NRG1: variants seen among roughly 807,000 people sequenced by gnomAD.
NRG1 encodes the protein neuregulin 1.
Under a neutral mutation model 63.8 loss-of-function variants are expected in NRG1, and 18 were observed. The ratio of observed to expected loss-of-function variants is 0.28; its 90% confidence interval spans 0.19 to 0.42. NRG1 has a LOEUF of 0.42. NRG1 is among the 10% of genes least tolerant of loss of function. The pLI, the probability that NRG1 is intolerant of heterozygous loss-of-function variation, is 1.00. For synonymous variants in NRG1, 302 were observed against 301.3 expected, an observed-to-expected ratio of 1.00 and a Z score of -0.02; for missense variants, 762 against 814.7, an observed-to-expected ratio of 0.94 and a Z score of 0.79.
chr8:32,412,934 T>G (rs779304813), intron 1 of NRG1, among the ~76,000 whole-genome samples: 8 of 152,200 alleles, frequency 5.3e-5, no homozygotes, highest in Middle Eastern at 3.2e-3. Context: ...TTGTTTTGAT[T>G]ATCAACCTAA....
At chr8:31,926,564 A>C (rs1834373526) in intron 1 of NRG1, among the ~76,000 whole-genome samples, 2 of 152,220 alleles carry the variant, frequency 1.3e-5, no homozygotes, top group South Asian at 4.1e-4. Flanking sequence ...ATGTGATCTG[A>C]TTTGCATTTT....
At chr8:32,263,710 G>A (rs1316487926) in intron 1 of NRG1, among the ~76,000 whole-genome samples, 1 of 152,086 alleles carries the variant, frequency 6.6e-6, no homozygotes, top group African/African-American at 2.4e-5. Context: ...TGAAGCTTAG[G>A]AAAAATTTCA....
intron 1 of NRG1, among the ~76,000 whole-genome samples, chr8:32,463,372 A>C (rs1822578853): frequency 6.6e-6 from 1 of 152,162 alleles, no homozygotes; most frequent in Admixed American, 6.5e-5. Context: ...GGAAACTTTT[A>C]TACTGTTTTC....
At chr8:32,426,244 A>G (rs907637680) in intron 1 of NRG1, among the ~76,000 whole-genome samples, 5 of 152,166 alleles carry the variant, frequency 3.3e-5, no homozygotes, top group Admixed American at 2.0e-4. Flanking sequence ...GCAGGGAGAG[A>G]AGATTCATCA....
chr8:32,225,961 T>A (rs976473086), intron 1 of NRG1, among the ~76,000 whole-genome samples: 4 of 152,192 alleles, frequency 2.6e-5, no homozygotes, highest in Non-Finnish European at 5.9e-5. Context: ...CTTCCATGGT[T>A]TGATTCTCTC....
In NRG1 at chr8:32,266,684, T is replaced by C. The variant is rs557174966; in HGVS notation, c.38-329144T>C. 1.1e-3 allele frequency among the ~76,000 whole-genome samples: 175 copies of C among 152,178 alleles called. 1 individual carries two copies. The highest frequency in any genetic ancestry group is 4.1e-3 in the African/African-American group (170 of 41,520). On this transcript the variant is annotated intron_variant, in intron 1 of 10. Transcript: ENST00000519301. ...TACAGTGTATCTACAGTTCTGAAGATTATCAAAACACAATATTCTAGCCCC... is the reference window on the plus strand; with the variant it reads ...TACAGTGTATCTACAGTTCTGAAGACTATCAAAACACAATATTCTAGCCCC...
At chr8:32,016,054 T>C (rs1815485031) in intron 1 of NRG1, among the ~76,000 whole-genome samples, 1 of 152,172 alleles carries the variant, frequency 6.6e-6, no homozygotes, top group Admixed American at 6.5e-5. Context: ...ACTTAGCCTC[T>C]ATATTTTTTG....
intron 1 of NRG1, among the ~76,000 whole-genome samples, chr8:32,305,786 A>G (rs543024273): frequency 1.3e-5 from 2 of 152,280 alleles, no homozygotes; most frequent in South Asian, 2.1e-4. Context: ...CATTTTTTGT[A>G]GTTAGTAAAT....
intron 1 of NRG1, among the ~76,000 whole-genome samples, chr8:32,049,898 A>G (rs1821693886): frequency 6.6e-6 from 1 of 152,150 alleles, no homozygotes; most frequent in African/African-American, 2.4e-5. Context: ...ATGAGTATTT[A>G]CATCAGGCAG....
chr8:31,682,853 A>C (rs1174656764), intron 1 of NRG1, among the ~76,000 whole-genome samples: 1 of 152,110 alleles, frequency 6.6e-6, no homozygotes, highest in Admixed American at 6.6e-5. Flanking sequence ...CTGTGATAAA[A>C]CTCAAGAAAA....
At chr8:32,144,047 G>C (rs1313789084) in intron 1 of NRG1, among the ~76,000 whole-genome samples, 1 of 152,218 alleles carries the variant, frequency 6.6e-6, no homozygotes, top group Non-Finnish European at 1.5e-5. Context: ...CAGTTAGAAT[G>C]ATGAGTCCAG....
At chr8:32,357,666 G>A (rs2129480698) in intron 1 of NRG1, among the ~76,000 whole-genome samples, 1 of 152,230 alleles carries the variant, frequency 6.6e-6, no homozygotes, top group East Asian at 1.9e-4. Context: ...TAGAGCCTAT[G>A]TAAAATGTGT....
intron 1 of NRG1, among the ~76,000 whole-genome samples, chr8:32,396,620 G>T (rs35085012): frequency 0.34 from 51,444 of 151,788 alleles, 9,163 homozygotes; most frequent in Middle Eastern, 0.43. Flanking sequence ...GGTTCATTTT[G>T]TATTTTTAAT....
chr8:32,232,828 T>C (rs1847100896), intron 1 of NRG1, among the ~76,000 whole-genome samples: 1 of 152,190 alleles, frequency 6.6e-6, no homozygotes, highest in African/African-American at 2.4e-5. Flanking sequence ...AAATTTCTTC[T>C]GTACTTTTTT....
At chr8:32,461,448 C>T (rs1198194938) in intron 1 of NRG1, among the ~76,000 whole-genome samples, 1 of 152,132 alleles carries the variant, frequency 6.6e-6, no homozygotes, top group Non-Finnish European at 1.5e-5. Context: ...CCTGTAATCC[C>T]AGCACTTTGG....
chr8:31,789,892 T>G (rs1358527656), intron 1 of NRG1, among the ~76,000 whole-genome samples: 1 of 152,200 alleles, frequency 6.6e-6, no homozygotes. Context: ...GATTCAAGAT[T>G]AGACAGCAAA....
At chr8:31,675,875 T>C (rs1015645464) in intron 1 of NRG1, among the ~76,000 whole-genome samples, 2 of 152,164 alleles carry the variant, frequency 1.3e-5, no homozygotes, top group Non-Finnish European at 2.9e-5. Flanking sequence ...TTTCCAAATA[T>C]AGGACTTCTG....
intron 1 of NRG1, among the ~76,000 whole-genome samples, chr8:31,711,395 T>A (rs1811726414): frequency 6.6e-6 from 1 of 152,188 alleles, no homozygotes; most frequent in Non-Finnish European, 1.5e-5. Context: ...TGTTAATACA[T>A]GTTTTATGGT....
intron 6 of NRG1, among the ~76,000 whole-genome samples, chr8:32,733,275 T>C (rs1412926857): frequency 6.6e-6 from 1 of 152,190 alleles, no homozygotes; most frequent in Non-Finnish European, 1.5e-5. Context: ...TTTGGAAAGA[T>C]GGAAGGTATC....
Sources: gnomAD v4.1 joint callset for allele counts (sites outside exome capture counted in the v4.1 genomes callset) on GRCh38, gnomAD v4.1.1 for gene constraint, MANE v1.5 for transcripts, NCBI Gene and HGNC (gene_info 2026-07-23, HGNC 2026-07-21) for gene names.